SLC16A10: variants seen among roughly 807,000 people sequenced by gnomAD.
SLC16A10 encodes the protein monocarboxylate transporter 10.
In SLC16A10, 27 loss-of-function variants were observed where a neutral mutation model predicts 40.0. The observed-to-expected ratio is 0.67, with a 90% CI of 0.50 to 0.93. The LOEUF (loss-of-function observed/expected upper bound fraction) is 0.93. Ranked by LOEUF, SLC16A10 falls within the 40% of genes least tolerant of loss-of-function variation. The pLI, the probability that SLC16A10 is intolerant of heterozygous loss-of-function variation, is 0.00. For synonymous variants in SLC16A10, 213 were observed against 249.8 expected (o/e 0.85, Z 1.39); for missense variants, 529 against 658.2 (o/e 0.80, Z 2.15).
rs117405929 is a variant in SLC16A10, at chr6:111,141,729, G to T, written c.344-30966G>T. On this transcript the variant is annotated intron_variant, in intron 1 of 5. Coordinates refer to ENST00000368851, the MANE Select transcript of SLC16A10 (RefSeq NM_018593.5). ...GCACCCCTCAAAATGAAATACTTAGGTATAAATCCAGCAAAATAGGTATAA... is the reference window on the plus strand; with the variant it reads ...GCACCCCTCAAAATGAAATACTTAGTTATAAATCCAGCAAAATAGGTATAA... Among the ~76,000 whole-genome samples, 2,733 of 152,160 alleles carry T rather than the reference G, an allele frequency of 0.018. 158 individuals carry two copies. The East Asian group carries it at 0.21, about 12-fold the overall frequency.
chr6:111,087,626 G>C lies in SLC16A10; in HGVS notation c.-127G>C, dbSNP rs1252308402. On this transcript the variant is annotated 5_prime_UTR_variant, in exon 1 of 6. Transcript: ENST00000368851. ...CTGCGCGCTGCCAGCCCGCCCGCCCGCCAGGGGCTCCGCCGCCCTCGCCTC... is the reference window on the plus strand; with the variant it reads ...CTGCGCGCTGCCAGCCCGCCCGCCCCCCAGGGGCTCCGCCGCCCTCGCCTC... The C allele has an allele frequency of 1.5e-5, 7 of 465,448 alleles. No homozygotes were observed. Among genetic ancestry groups the C allele is most frequent in the Non-Finnish European group, 2.2e-5 (7 of 312,946 alleles). 28.8% of individuals were successfully genotyped at this position (465,448 alleles called of 1,614,324 possible).
chr6:111,117,277 G>A (rs983353729), intron 1 of SLC16A10, among the ~76,000 whole-genome samples: 4 of 148,618 alleles, frequency 2.7e-5, no homozygotes, highest in South Asian at 2.1e-4. Context: ...GCGTGAACCC[G>A]GGAGGCGGAG....
rs948371961 is a variant in SLC16A10 at position 111,136,747 on chromosome 6, A to G, written c.344-35948A>G. On this transcript the variant is annotated intron_variant, in intron 1 of 5. Transcript: ENST00000368851. Reference sequence around the variant, plus strand: ...TTGTAGAAAAAGGACTTCGAAAAGCAGAGTGTGTAGTGGTCAGTGATAATG... The same window carrying G: ...TTGTAGAAAAAGGACTTCGAAAAGCGGAGTGTGTAGTGGTCAGTGATAATG... 2.7e-4 allele frequency among the ~76,000 whole-genome samples: 41 copies of G among 152,248 alleles called. 1 individual carries two copies. Among genetic ancestry groups the G allele is most frequent in the Admixed American group, 1.3e-4 (2 of 15,282 alleles).
At chr6:111,194,575 C>T (rs1773048235) in intron 3 of SLC16A10, among the ~76,000 whole-genome samples, 2 of 152,138 alleles carry the variant, frequency 1.3e-5, no homozygotes, top group African/African-American at 4.8e-5. Flanking sequence ...GATATCCACG[C>T]CCCTCTTGAC....
chr6:111,165,349 T>C (rs1772452860), intron 1 of SLC16A10, among the ~76,000 whole-genome samples: 1 of 152,274 alleles, frequency 6.6e-6, no homozygotes, highest in Non-Finnish European at 1.5e-5. Context: ...GGGCCTCTCA[T>C]GCGTGCATTA....
chr6:111,136,639 T>G (rs921990337), intron 1 of SLC16A10, among the ~76,000 whole-genome samples: 1 of 152,208 alleles, frequency 6.6e-6, no homozygotes, highest in Non-Finnish European at 1.5e-5. Flanking sequence ...AAGTAATTGC[T>G]CAAACCTACG....
In SLC16A10 at chr6:111,218,810, C is replaced by T. The variant is rs1177441560; in HGVS notation, c.1087-4C>T. On this transcript the variant is annotated splice_region_variant and splice_polypyrimidine_tract_variant and intron_variant, in intron 4 of 5. Coordinates refer to ENST00000368851, the MANE Select transcript of SLC16A10 (RefSeq NM_018593.5). Reference sequence around the variant, plus strand: ...CGGAGCTGACCTTGTGGTGTCCGTCCTAGGTACTCTCCTTTTTCTTCATTG... The same window carrying T: ...CGGAGCTGACCTTGTGGTGTCCGTCTTAGGTACTCTCCTTTTTCTTCATTG... The T allele has an allele frequency of 3.1e-6, 5 of 1,613,728 alleles. No individual in the cohort carries two copies. The Admixed American group carries it at 6.7e-5, about 22-fold the overall frequency.
chr6:111,108,415 G>C lies in SLC16A10; in HGVS notation c.343+20320G>C, dbSNP rs535736271. 1.7e-4 allele frequency among the ~76,000 whole-genome samples: 26 copies of C among 152,226 alleles called. No individual in the cohort carries two copies. The South Asian group carries it at 5.4e-3, about 32-fold the overall frequency. Reference sequence around the variant, plus strand: ...CACCTATTTTTCTTCAGTTAATAATGTAAAAAGGACTGCATTGACATGATT... The same window carrying C: ...CACCTATTTTTCTTCAGTTAATAATCTAAAAAGGACTGCATTGACATGATT... On this transcript the variant is annotated intron_variant, in intron 1 of 5. Transcript: ENST00000368851.
At chr6:111,212,456 C>G (rs1180590281) in intron 4 of SLC16A10, among the ~76,000 whole-genome samples, 2 of 152,140 alleles carry the variant, frequency 1.3e-5, no homozygotes, top group Non-Finnish European at 2.9e-5. Context: ...ATTTAAACTT[C>G]CATCAAGGTC....
intron 1 of SLC16A10, among the ~76,000 whole-genome samples, chr6:111,139,109 A>G (rs138449389): frequency 1.1e-4 from 2 of 18,134 alleles, no homozygotes; most frequent in South Asian, 1.9e-3. Context: ...TTTTTTTTTT[A>G]CTGTGAAAAA....
At chr6:111,219,822 G>A (rs112145322) in intron 5 of SLC16A10, among the ~76,000 whole-genome samples, 2,072 of 152,280 alleles carry the variant, frequency 0.014, 47 homozygotes, top group African/African-American at 0.048. Flanking sequence ...GCTCACACCT[G>A]TAATCCCAGC....
chr6:111,181,847 A>G (rs1289168004), intron 3 of SLC16A10, among the ~76,000 whole-genome samples: 1 of 152,168 alleles, frequency 6.6e-6, no homozygotes, highest in East Asian at 1.9e-4. Context: ...AAGGATACAA[A>G]TCTTATAGAT....
chr6:111,103,217 TTTG>T (rs775637585), intron 1 of SLC16A10, among the ~76,000 whole-genome samples: 6 of 151,740 alleles, frequency 4.0e-5, no homozygotes, highest in African/African-American at 7.3e-5. Context: ...CCCATTTAAT[TTTG>T]TTGTTGTTGT....
In SLC16A10 at chr6:111,172,802, G is replaced by A. The variant is rs1188410453; in HGVS notation, c.451G>A (p.Val151Ile). ...CRKTAVVGAA[V>I]GFVGLMSSSF... ...GAAAACAGCTGTCGTGGGTGCTGCTGTTGGATTTGTTGGGCTCATGTCCAG... is the reference window on the plus strand; with the variant it reads ...GAAAACAGCTGTCGTGGGTGCTGCTATTGGATTTGTTGGGCTCATGTCCAG... Residue 151 changes from valine to isoleucine, a missense_variant, in exon 2 of 6, where the codon GTT (valine) becomes ATT (isoleucine). Coordinates refer to ENST00000368851, the MANE Select transcript of SLC16A10 (RefSeq NM_018593.5). 6.2e-7 allele frequency: 1 copy of A among 1,614,126 alleles called. No homozygotes were observed. Among genetic ancestry groups the A allele is most frequent in the Non-Finnish European group, 8.5e-7 (1 of 1,179,996 alleles).
intron 1 of SLC16A10, among the ~76,000 whole-genome samples, chr6:111,106,455 A>C (rs1395820300): frequency 6.6e-6 from 1 of 152,238 alleles, no homozygotes; most frequent in African/African-American, 2.4e-5. Flanking sequence ...TGGTAAAAGT[A>C]ATGCTTAATC....
chr6:111,096,790 G>A (rs1191729757), intron 1 of SLC16A10, among the ~76,000 whole-genome samples: 4 of 152,124 alleles, frequency 2.6e-5, no homozygotes, highest in Non-Finnish European at 5.9e-5. Context: ...GTGGACCAAA[G>A]CAGTGAATCT....
At chr6:111,188,591 G>GCT (rs1772940054) in intron 3 of SLC16A10, among the ~76,000 whole-genome samples, 1 of 151,920 alleles carries the variant, frequency 6.6e-6, no homozygotes, top group African/African-American at 2.4e-5. Flanking sequence ...CCAAGTGCTG[G>GCT]GATCACAGGC....
At chr6:111,195,939 C>G (rs1004360954) in intron 3 of SLC16A10, among the ~76,000 whole-genome samples, 2 of 152,116 alleles carry the variant, frequency 1.3e-5, no homozygotes, top group Non-Finnish European at 2.9e-5. Context: ...AGGCAGTCCT[C>G]TACATCCAAG....
intron 1 of SLC16A10, among the ~76,000 whole-genome samples, chr6:111,146,693 C>T (rs1157393450): frequency 2.6e-5 from 4 of 151,550 alleles, no homozygotes; most frequent in South Asian, 2.1e-4. Flanking sequence ...GCCGAGATTG[C>T]GCCACTGCAC....
Sources: allele counts gnomAD v4.1 joint callset (sites outside exome capture counted in the v4.1 genomes callset), GRCh38; gene constraint gnomAD v4.1.1; transcripts MANE v1.5; gene names NCBI Gene and HGNC (gene_info 2026-07-23, HGNC 2026-07-21).